Variants in KHDRBS2 observed in about 807,000 individuals in gnomAD.
KHDRBS2 encodes KH domain-containing, RNA-binding, signal transduction-associated protein 2.
KHDRBS2 carries 26 observed loss-of-function variants against 44.3 expected under a neutral mutation model. The observed-to-expected ratio is 0.59, with a 90% CI of 0.43 to 0.81. KHDRBS2 has a LOEUF of 0.81. KHDRBS2 is among the 40% of genes least tolerant of loss of function. The pLI is 0.00. For missense variants in KHDRBS2, 476 were observed against 433.1 expected (o/e 1.10, Z -0.88); for synonymous variants, 194 against 151.1 (o/e 1.28, Z -2.08).
intron 2 of KHDRBS2, among the ~76,000 whole-genome samples, chr6:62,090,085 A>G (rs1409027460): frequency 1.3e-5 from 2 of 152,198 alleles, no homozygotes; most frequent in East Asian, 1.9e-4. Context: ...GGCTTGGTAT[A>G]TGATGGTGAG....
the KHDRBS2 span, among the ~76,000 whole-genome samples, chr6:61,592,680 TG>T: frequency 1.3e-5 from 2 of 152,192 alleles, no homozygotes; most frequent in African/African-American, 4.8e-5. Context: ...GAAATATTTT[TG>T]TTTTTTTTTA....
chr6:62,280,075 G>C (rs2150195781), intron 1 of KHDRBS2, among the ~76,000 whole-genome samples: 1 of 152,276 alleles, frequency 6.6e-6, no homozygotes, highest in Admixed American at 6.5e-5. Flanking sequence ...GTTCGTTATG[G>C]GAATGAGGGG....
chr6:61,747,376 A>G (rs555329168), intron 6 of KHDRBS2, among the ~76,000 whole-genome samples: 2 of 152,326 alleles, frequency 1.3e-5, no homozygotes, highest in South Asian at 4.1e-4. Context: ...TAGCTTTTAA[A>G]CAAGAGCACG....
intron 2 of KHDRBS2, among the ~76,000 whole-genome samples, chr6:62,128,669 A>AT (rs35370798): frequency 0.6 from 91,049 of 150,592 alleles, 27,681 homozygotes; most frequent in Non-Finnish European, 0.62. Context: ...AACTGCTTTA[A>AT]TTTTTTTTTG....
chr6:61,808,456 C>T (rs1787537057), intron 6 of KHDRBS2, among the ~76,000 whole-genome samples: 1 of 152,028 alleles, frequency 6.6e-6, no homozygotes, highest in Non-Finnish European at 1.5e-5. Flanking sequence ...TACTAGAAGT[C>T]AGTGTAATTA....
chr6:61,688,590 C>G (rs1767059051), intron 8 of KHDRBS2, among the ~76,000 whole-genome samples: 1 of 151,830 alleles, frequency 6.6e-6, no homozygotes, highest in African/African-American at 2.4e-5. Flanking sequence ...TTGTAGTTAC[C>G]TGATTGTCTT....
intron 2 of KHDRBS2, among the ~76,000 whole-genome samples, chr6:62,060,730 C>A (rs1353466391): frequency 4.0e-5 from 6 of 151,492 alleles, no homozygotes; most frequent in Non-Finnish European, 8.9e-5. Flanking sequence ...ACCCAAAAAT[C>A]CCACTTGGCA....
chr6:61,723,932 G>A (rs1773124224), intron 7 of KHDRBS2, among the ~76,000 whole-genome samples: 1 of 152,116 alleles, frequency 6.6e-6, no homozygotes, highest in Non-Finnish European at 1.5e-5. Context: ...TAGCAACACA[G>A]GCCAATATTC....
intron 6 of KHDRBS2, among the ~76,000 whole-genome samples, chr6:61,889,459 C>T (rs901783207): frequency 1.3e-5 from 2 of 152,202 alleles, no homozygotes; most frequent in African/African-American, 4.8e-5. Flanking sequence ...AGTCTAATCA[C>T]CTTTACTTCA....
chr6:61,958,649 G>C (rs1469122030), intron 4 of KHDRBS2, among the ~76,000 whole-genome samples: 1 of 152,130 alleles, frequency 6.6e-6, no homozygotes, highest in Non-Finnish European at 1.5e-5. Context: ...AACACCATGA[G>C]CCTTGTTTAC....
intron 2 of KHDRBS2, among the ~76,000 whole-genome samples, chr6:62,064,377 A>G (rs1792952773): frequency 1.4e-5 from 2 of 148,016 alleles, no homozygotes; most frequent in South Asian, 2.2e-4. Context: ...CTGACTTCAA[A>G]CTATACTACA....
chr6:61,974,362 A>G (rs1468523757), intron 4 of KHDRBS2, among the ~76,000 whole-genome samples: 1 of 152,032 alleles, frequency 6.6e-6, no homozygotes, highest in Non-Finnish European at 1.5e-5. Flanking sequence ...ATAGTATAAA[A>G]TACAATAGTG....
At chr6:61,994,897 T>G (rs1250121560) in intron 3 of KHDRBS2, among the ~76,000 whole-genome samples, 1 of 151,892 alleles carries the variant, frequency 6.6e-6, no homozygotes, top group Admixed American at 6.6e-5. Context: ...TGAAGCAGTA[T>G]TGCAGGCACA....
rs112281842 is a variant in KHDRBS2, at chr6:61,769,359, G to A, written c.811-36595C>T. 2.8e-3 allele frequency among the ~76,000 whole-genome samples: 433 copies of A among 152,260 alleles called. 5 individuals are homozygous for A. The highest frequency in any genetic ancestry group is 0.01 in the African/African-American group (417 of 41,558). ...CACTGTGCACGAGCTGAAGCAGGAC[G>A]AGGCATCACCTCACCTGGAAAGCAC... is the stretch of plus-strand genomic sequence containing the variant. On this transcript the variant is annotated intron_variant, in intron 6 of 8. Coordinates refer to ENST00000281156, the MANE Select transcript of KHDRBS2 (RefSeq NM_152688.4).
chr6:61,889,605 T>TG (rs1025158253), intron 6 of KHDRBS2, among the ~76,000 whole-genome samples: 12 of 38,482 alleles, frequency 3.1e-4, no homozygotes, highest in South Asian at 1.1e-3. Context: ...ATGGGGTGGG[T>TG]GGGGGGGCAA....
chr6:61,666,465 T>A, the KHDRBS2 span, among the ~76,000 whole-genome samples: 58,716 of 150,968 alleles, frequency 0.39, 11,659 homozygotes, highest in East Asian at 0.49. Context: ...CAAATATATA[T>A]ATTTGTTTCA....
intron 2 of KHDRBS2, among the ~76,000 whole-genome samples, chr6:62,115,607 C>T (rs915663511): frequency 3.3e-5 from 5 of 152,144 alleles, no homozygotes; most frequent in Admixed American, 2.6e-4. Flanking sequence ...TATGTATTGG[C>T]TTGCTTTCCG....
chr6:61,683,120 C>T (rs778935877), intron 8 of KHDRBS2, among the ~76,000 whole-genome samples: 3 of 151,832 alleles, frequency 2.0e-5, no homozygotes, highest in Non-Finnish European at 4.4e-5. Flanking sequence ...TTCAAGTTTT[C>T]CCAGGAAATA....
chr6:61,917,353 T>A (rs73489403), intron 4 of KHDRBS2, among the ~76,000 whole-genome samples: 8 of 151,872 alleles, frequency 5.3e-5, no homozygotes, highest in East Asian at 3.9e-4. Flanking sequence ...AAATGTATAT[T>A]AAAAGCTTAA....
Sources: allele counts gnomAD v4.1 joint callset (sites outside exome capture counted in the v4.1 genomes callset), GRCh38; gene constraint gnomAD v4.1.1; transcripts MANE v1.5; gene names NCBI Gene and HGNC (gene_info 2026-07-23, HGNC 2026-07-21).